ACYP2: variants seen among roughly 807,000 people sequenced by gnomAD.
The protein encoded by ACYP2 is acylphosphatase-2.
Under a neutral mutation model 11.2 loss-of-function variants are expected in ACYP2, and 12 were observed. The observed-to-expected ratio is 1.08, with a 90% CI of 0.69 to 1.74. The LOEUF (loss-of-function observed/expected upper bound fraction) is 1.74, where lower values mean the gene tolerates loss of function less well. ACYP2 is among the 40% of genes most tolerant of loss of function. ACYP2 has a pLI of 0.00. For synonymous variants in ACYP2, 43 were observed against 32.2 expected (o/e 1.33, Z -1.13); for missense variants, 134 against 101.9 (o/e 1.31, Z -1.35).
At chr2:54,179,525 G>A (rs1015082502) in intron 6 of ACYP2, among the ~76,000 whole-genome samples, 1 of 152,300 alleles carries the variant, frequency 6.6e-6, no homozygotes, top group East Asian at 1.9e-4. Flanking sequence ...AGGGCTGCTG[G>A]TTGCCCACTT....
chr2:54,165,570 C>CAT (rs1265856101), intron 6 of ACYP2, among the ~76,000 whole-genome samples: 3 of 150,862 alleles, frequency 2.0e-5, no homozygotes, highest in African/African-American at 2.4e-5. Flanking sequence ...CACACACACA[C>CAT]ACATTAGAGA....
At chr2:54,139,424 C>T (rs1681470766) in intron 6 of ACYP2, among the ~76,000 whole-genome samples, 1 of 152,104 alleles carries the variant, frequency 6.6e-6, no homozygotes, top group Admixed American at 6.6e-5. Context: ...CAAGAGAGGC[C>T]AGATTCAGTA....
intron 4 of ACYP2, among the ~76,000 whole-genome samples, chr2:54,117,117 C>G (rs563240222): frequency 6.6e-6 from 1 of 152,244 alleles, no homozygotes; most frequent in Admixed American, 6.5e-5. Context: ...TACTGACATA[C>G]TGATTCTTTG....
intron 6 of ACYP2, among the ~76,000 whole-genome samples, chr2:54,178,260 A>G (rs936751179): frequency 2.0e-5 from 3 of 152,218 alleles, no homozygotes; most frequent in East Asian, 1.9e-4. Flanking sequence ...TTTTTATCAC[A>G]ATACATCAAA....
intron 4 of ACYP2, among the ~76,000 whole-genome samples, chr2:54,133,033 C>T (rs1420571551): frequency 2.0e-5 from 3 of 152,112 alleles, no homozygotes; most frequent in African/African-American, 7.2e-5. Context: ...TGTGAGCCAC[C>T]ACACCCGGCC....
At chr2:54,295,887 C>T (rs915822907) in intron 6 of ACYP2, among the ~76,000 whole-genome samples, 11 of 152,090 alleles carry the variant, frequency 7.2e-5, no homozygotes, top group African/African-American at 2.7e-4. Flanking sequence ...CAGCCTCCCA[C>T]ATAGCTGGAA....
intron 6 of ACYP2, among the ~76,000 whole-genome samples, chr2:54,270,190 T>C (rs1369031573): frequency 6.9e-6 from 1 of 144,490 alleles, no homozygotes; most frequent in Non-Finnish European, 1.6e-5. Flanking sequence ...TCATTGTTAG[T>C]TTTTTTATGT....
chr2:54,296,946 G>A (rs1054374458), intron 6 of ACYP2, among the ~76,000 whole-genome samples: 9 of 151,866 alleles, frequency 5.9e-5, no homozygotes, highest in Admixed American at 2.0e-4. Context: ...CAGATTTACC[G>A]CAGAAATACT....
chr2:54,029,808 A>G (rs1674486422), intron 2 of ACYP2: 1 of 553,890 alleles, frequency 1.8e-6, no homozygotes, highest in South Asian at 1.6e-5. Context: ...CTTGGGGGGC[A>G]TTCCTATTTG....
intron 5 of ACYP2, among the ~76,000 whole-genome samples, chr2:54,136,188 C>T (rs190432090): frequency 1.2e-3 from 183 of 151,994 alleles, no homozygotes; most frequent in Admixed American, 0.01. Flanking sequence ...TGTGAGCCAC[C>T]ATGCCCAGCC....
intron 2 of ACYP2, among the ~76,000 whole-genome samples, chr2:53,998,640 C>T (rs536108293): frequency 1.3e-5 from 2 of 152,014 alleles, no homozygotes; most frequent in African/African-American, 4.8e-5. Context: ...CATAGGAAGA[C>T]CCCCAGTGCT....
intron 4 of ACYP2, among the ~76,000 whole-genome samples, chr2:54,074,576 ATTTG>A (rs1490834035): frequency 8.0e-6 from 1 of 125,348 alleles, no homozygotes; most frequent in Non-Finnish European, 1.6e-5. Flanking sequence ...ATAGAACAGA[ATTTG>A]TGTGTGTGTG....
chr2:54,265,135 T>G (rs1417543637), intron 6 of ACYP2, among the ~76,000 whole-genome samples: 1 of 152,188 alleles, frequency 6.6e-6, no homozygotes, highest in Non-Finnish European at 1.5e-5. Flanking sequence ...GCATGTGTAT[T>G]AGTCCATTTT....
intron 4 of ACYP2, among the ~76,000 whole-genome samples, chr2:54,109,566 C>T (rs954953715): frequency 6.6e-6 from 1 of 151,940 alleles, no homozygotes; most frequent in Non-Finnish European, 1.5e-5. Context: ...TGAGATAAAA[C>T]ATAAATTTAA....
Position 54,010,737 on chromosome 2 carries a change from C to CTTTTTTTTTT in ACYP2, c.62+36946_62+36955dup, listed in dbSNP as rs539896151. On this transcript the variant is annotated intron_variant, in intron 2 of 6. Transcript: ENST00000607452. Reference sequence around the variant, plus strand: ...CTTCGGTTTCTCTTTTTCTTTCTTTCTTTTTTTTTTTTTTTTTTTTTTTTT... The same window carrying CTTTTTTTTTT: ...CTTCGGTTTCTCTTTTTCTTTCTTTCTTTTTTTTTTTTTTTTTTTTTTTTTTTTTTTTTTT... Among the ~76,000 whole-genome samples the CTTTTTTTTTT allele has an allele frequency of 6.1e-4, 66 of 107,634 alleles. 2 individuals carry two copies. Among genetic ancestry groups the CTTTTTTTTTT allele is most frequent in the African/African-American group, 1.5e-3 (41 of 27,082 alleles). The allele number at this position is 107,634 out of a possible 152,430, so 70.6% of individuals were successfully genotyped here.
intron 6 of ACYP2, among the ~76,000 whole-genome samples, chr2:54,201,879 T>TGTATTTTTAGTAGA (rs1684848432): frequency 6.6e-6 from 1 of 151,624 alleles, no homozygotes; most frequent in African/African-American, 2.4e-5. Flanking sequence ...TGGCTAATTT[T>TGTATTTTTAGTAGA]GTATTTTTAG....
intron 4 of ACYP2, among the ~76,000 whole-genome samples, chr2:54,057,578 C>A (rs1170271777): frequency 6.6e-6 from 1 of 152,180 alleles, no homozygotes; most frequent in Admixed American, 6.5e-5. Flanking sequence ...CACTGACAGA[C>A]TGTTCTGTCT....
At chr2:54,049,819 A>G (rs1183634123) in intron 2 of ACYP2, among the ~76,000 whole-genome samples, 1 of 152,102 alleles carries the variant, frequency 6.6e-6, no homozygotes, top group Non-Finnish European at 1.5e-5. Flanking sequence ...TTGTTTTCTG[A>G]GCAATTCCTT....
chr2:54,148,123 G>A (rs13400028), intron 6 of ACYP2, among the ~76,000 whole-genome samples: 2,079 of 152,126 alleles, frequency 0.014, 56 homozygotes, highest in African/African-American at 0.048. Context: ...AACGAGTAAA[G>A]GATTGTGTTG....
Sources: gnomAD v4.1 joint callset for allele counts (sites outside exome capture counted in the v4.1 genomes callset) on GRCh38, gnomAD v4.1.1 for gene constraint, MANE v1.5 for transcripts, NCBI Gene and HGNC (gene_info 2026-07-23, HGNC 2026-07-21) for gene names.